Variants in MBD5 observed in about 807,000 individuals in gnomAD.
The protein encoded by MBD5 is methyl-CpG-binding domain protein 5.
In MBD5, 13 loss-of-function variants were observed where a neutral mutation model predicts 117.3. That is an observed-to-expected ratio of 0.11 (90% CI 0.07 to 0.18). MBD5 has a LOEUF of 0.18. Among genes scored for constraint, MBD5 ranks in the 10% least tolerant of loss-of-function variants. The pLI is 1.00. For missense variants in MBD5, 1,879 were observed against 2,093.8 expected, an observed-to-expected ratio of 0.90 and a Z score of 2.00; for synonymous variants, 727 against 766.4, an observed-to-expected ratio of 0.95 and a Z score of 0.85.
intron 1 of MBD5, chr2:148,027,497 A>G (rs1043933938): frequency 7.2e-5 from 11 of 152,120 alleles, no homozygotes; most frequent in Non-Finnish European, 1.6e-4. Context: ...AAATTTATAC[A>G]GGTTGAGTAT....
At chr2:148,299,417 C>T (rs938529719) in intron 3 of MBD5, among the ~76,000 whole-genome samples, 4 of 124,468 alleles carry the variant, frequency 3.2e-5, no homozygotes, top group African/African-American at 1.2e-4. Flanking sequence ...AATGAGCCAC[C>T]ATGCCTGGCC....
intron 11 of MBD5, among the ~76,000 whole-genome samples, chr2:148,499,628 G>C (rs925085326): frequency 2.0e-5 from 3 of 152,138 alleles, no homozygotes; most frequent in African/African-American, 7.2e-5. Context: ...TTTAGTGTAA[G>C]TTTTATAAAA....
chr2:148,357,699 G>T (rs1440737870), intron 4 of MBD5, among the ~76,000 whole-genome samples: 1 of 151,880 alleles, frequency 6.6e-6, no homozygotes, highest in African/African-American at 2.4e-5. Context: ...CTGGCCATTT[G>T]AAGTCTGTTC....
At chr2:148,424,194 A>AAAAAAC (rs1705703812) in intron 4 of MBD5, among the ~76,000 whole-genome samples, 1 of 80,602 alleles carries the variant, frequency 1.2e-5, no homozygotes, top group South Asian at 3.2e-4. Context: ...AAAAAAAAAA[A>AAAAAAC]AAAAAAAAAA....
At chr2:148,195,306 AAC>A (rs1698955015) in intron 2 of MBD5, among the ~76,000 whole-genome samples, 1 of 152,212 alleles carries the variant, frequency 6.6e-6, no homozygotes, top group Non-Finnish European at 1.5e-5. Flanking sequence ...CAAGTGTTTT[AAC>A]AGAGATAAAG....
intron 4 of MBD5, among the ~76,000 whole-genome samples, chr2:148,424,742 A>T (rs937925789): frequency 1.3e-5 from 2 of 152,214 alleles, no homozygotes; most frequent in Middle Eastern, 3.2e-3. Context: ...ACTGAAAACC[A>T]CACAACTACA....
chr2:148,198,360 G>T (rs1397166680), intron 2 of MBD5, among the ~76,000 whole-genome samples: 1 of 152,024 alleles, frequency 6.6e-6, no homozygotes, highest in Non-Finnish European at 1.5e-5. Flanking sequence ...GTTTCTCAAT[G>T]TCTCTGTGCA....
intron 4 of MBD5, among the ~76,000 whole-genome samples, chr2:148,365,541 T>A (rs972476107): frequency 1.3e-5 from 2 of 152,128 alleles, no homozygotes; most frequent in African/African-American, 4.8e-5. Context: ...ATTGAGGAGC[T>A]GATTTTTTGA....
chr2:148,141,212 A>C (rs566528316), intron 1 of MBD5, among the ~76,000 whole-genome samples: 2 of 152,164 alleles, frequency 1.3e-5, no homozygotes, highest in Non-Finnish European at 2.9e-5. Flanking sequence ...ACTCAATGTA[A>C]AGTTTCAGCC....
At chr2:148,278,892 A>C (rs1168290413) in intron 3 of MBD5, among the ~76,000 whole-genome samples, 2 of 152,182 alleles carry the variant, frequency 1.3e-5, no homozygotes, top group African/African-American at 4.8e-5. Context: ...TCAGTCCTGG[A>C]GTTCAAAGGT....
At chr2:148,188,121 C>G (rs892937291) in intron 2 of MBD5, among the ~76,000 whole-genome samples, 1 of 152,146 alleles carries the variant, frequency 6.6e-6, no homozygotes, top group African/African-American at 2.4e-5. Flanking sequence ...ATCATTGGAG[C>G]ATTTCAGATT....
intron 1 of MBD5, among the ~76,000 whole-genome samples, chr2:148,115,055 A>G (rs1361841539): frequency 6.6e-6 from 1 of 152,110 alleles, no homozygotes; most frequent in Non-Finnish European, 1.5e-5. Context: ...AATTTTTTAA[A>G]TTTATGAAAG....
At position 148,458,829 on chromosome 2, in the gene MBD5, G is replaced by A; in HGVS notation, c.71G>A (p.Gly24Asp). 1 of 1,613,706 alleles carries A rather than the reference G, an allele frequency of 6.2e-7. No homozygotes were observed. The highest frequency in any genetic ancestry group is 1.3e-5 in the African/African-American group (1 of 75,008). Residue 24 changes from glycine to aspartate, a missense_variant, in exon 5 of 14, where the codon GGT becomes GAT. Transcript: ENST00000642680. ...CTTCCAGCTATACAAGTTCCTGTGG[G>A]TTGGCAGCGTCGTGTGGATCAAAAT... ...GGLPAIQVPV[G>D]WQRRVDQNGV... is the part of the protein sequence containing the mutation.
chr2:148,264,111 G>T (rs1163429841), intron 3 of MBD5: 1 of 152,148 alleles, frequency 6.6e-6, no homozygotes, highest in Admixed American at 6.6e-5. Context: ...AATACCAGAA[G>T]AAATTTAAGA....
intron 8 of MBD5, chr2:148,471,208 C>G (rs1158704853): frequency 6.6e-6 from 1 of 152,054 alleles, no homozygotes; most frequent in African/African-American, 2.4e-5. Context: ...GAACCCAAAT[C>G]TATTGTATCT....
chr2:148,470,115 G>A lies in MBD5; in HGVS notation c.2172G>A (p.Gly724=), dbSNP rs780519936. The A allele has an allele frequency of 9.9e-6, 16 of 1,613,760 alleles. No individual in the cohort carries two copies. The South Asian group carries it at 1.6e-4, about 17-fold the overall frequency. ...GTAGCAATAGTACCCCGGGTTGTGG[G>A]GCCTCAAATACTGCTTTGCCTTGCT... ...HLSSNSTPGC[G]ASNTALPCSA... Residue 724 remains glycine, a synonymous_variant, in exon 8 of 14, where the codon GGG becomes GGA. Transcript: ENST00000642680.
chr2:148,467,299 T>C lies in MBD5; in HGVS notation c.398-1042T>C, dbSNP rs1471127550. Among the ~76,000 whole-genome samples the C allele has an allele frequency of 2.0e-5, 3 of 152,188 alleles. No homozygotes were observed. The South Asian group carries it at 6.2e-4, about 31-fold the overall frequency. On this transcript the variant is annotated intron_variant, in intron 7 of 13. Coordinates refer to ENST00000642680, the MANE Select transcript of MBD5 (RefSeq NM_001378120.1). Reference sequence around the variant, plus strand: ...AGCGAAACCTAGAATTCTGATGTGATAGAATGAAAATTCTGTATGATGAAT... The same window carrying C: ...AGCGAAACCTAGAATTCTGATGTGACAGAATGAAAATTCTGTATGATGAAT...
chr2:148,376,700 A>C (rs968575410), intron 4 of MBD5, among the ~76,000 whole-genome samples: 1 of 143,754 alleles, frequency 7.0e-6, no homozygotes, highest in African/African-American at 2.6e-5. Flanking sequence ...AACTGATAGG[A>C]TATATATATC....
rs1693733451 is a variant in MBD5 at position 148,021,580 on chromosome 2, C to T, written c.-1029C>T. 1.4e-5 allele frequency: 7 copies of T among 496,680 alleles called. No homozygotes were observed. The highest frequency in any genetic ancestry group is 1.1e-4 in the South Asian group (7 of 60,974). 30.8% of individuals were successfully genotyped at this position (496,680 alleles called of 1,614,324 possible). A position where few individuals can be genotyped will look rare whatever the true frequency, so the allele number is the denominator to read the frequency against. On this transcript the variant is annotated 5_prime_UTR_variant, in exon 1 of 14. Coordinates refer to ENST00000642680, the MANE Select transcript of MBD5 (RefSeq NM_001378120.1). ...CAGGAGCAGCCACTTCCCCAGCTCT[C>T]CTCCTCCTCCTTCGCCTCCTCCTCC...
Sources: allele counts gnomAD v4.1 joint callset (sites outside exome capture counted in the v4.1 genomes callset), GRCh38; gene constraint gnomAD v4.1.1; transcripts MANE v1.5; gene names NCBI Gene and HGNC (gene_info 2026-07-23, HGNC 2026-07-21).